Variants in CSMD1 observed in about 807,000 individuals in gnomAD.
The protein encoded by CSMD1 is CUB and Sushi multiple domains 1.
In CSMD1, 213 loss-of-function variants were observed where a neutral mutation model predicts 417.5. That is an observed-to-expected ratio of 0.51 (90% CI 0.46 to 0.57). CSMD1 has a LOEUF of 0.57. CSMD1 is among the 20% of genes least tolerant of loss of function. The pLI is 0.00. For synonymous variants in CSMD1, 2,862 were observed against 1,736.8 expected (o/e 1.65, Z -16.11); for missense variants, 6,923 against 4,529.7 (o/e 1.53, Z -15.17).
At chr8:3,475,196 T>G (rs1478133762) in intron 11 of CSMD1, among the ~76,000 whole-genome samples, 1 of 152,158 alleles carries the variant, frequency 6.6e-6, no homozygotes, top group Non-Finnish European at 1.5e-5. Flanking sequence ...GATTAGGATT[T>G]TTGCCTCTAG....
intron 5 of CSMD1, among the ~76,000 whole-genome samples, chr8:3,847,489 C>T (rs554509826): frequency 2.0e-5 from 3 of 152,176 alleles, no homozygotes; most frequent in South Asian, 4.2e-4. Context: ...AGCTGAGTTC[C>T]GCCAACATCA....
At chr8:3,789,573 C>T (rs1283738138) in intron 5 of CSMD1, among the ~76,000 whole-genome samples, 1 of 150,990 alleles carries the variant, frequency 6.6e-6, no homozygotes, top group Non-Finnish European at 1.5e-5. Flanking sequence ...CACTCACTTG[C>T]TAAATAAAGC....
intron 6 of CSMD1, among the ~76,000 whole-genome samples, chr8:3,747,013 AT>A (rs1263492512): frequency 6.6e-6 from 1 of 152,216 alleles, no homozygotes; most frequent in East Asian, 1.9e-4. Flanking sequence ...TTCATTAGGA[AT>A]TTTATTTCAT....
chr8:4,823,703 T>C (rs1259816991), intron 1 of CSMD1, among the ~76,000 whole-genome samples: 2 of 152,010 alleles, frequency 1.3e-5, no homozygotes, highest in South Asian at 2.1e-4. Flanking sequence ...TGAGAATTAA[T>C]ATAATGCAAT....
chr8:4,893,442 T>C (rs1483364513), intron 1 of CSMD1, among the ~76,000 whole-genome samples: 1 of 152,108 alleles, frequency 6.6e-6, no homozygotes, highest in Non-Finnish European at 1.5e-5. Context: ...ATGTTTTTCT[T>C]TATGTCTTCA....
chr8:4,549,154 A>G (rs1025024534), intron 2 of CSMD1, among the ~76,000 whole-genome samples: 1 of 152,142 alleles, frequency 6.6e-6, no homozygotes, highest in East Asian at 1.9e-4. Flanking sequence ...TCTTTCTTAC[A>G]CAGACTGACT....
intron 3 of CSMD1, among the ~76,000 whole-genome samples, chr8:4,356,995 G>A (rs1436671724): frequency 6.6e-6 from 1 of 152,188 alleles, no homozygotes; most frequent in East Asian, 1.9e-4. Context: ...GTGAATATAT[G>A]AAGATAAACG....
intron 7 of CSMD1, among the ~76,000 whole-genome samples, chr8:3,630,925 A>C (rs1353703319): frequency 6.6e-6 from 1 of 152,204 alleles, no homozygotes; most frequent in Non-Finnish European, 1.5e-5. Context: ...CTCTTAGAGA[A>C]ACATGGTATT....
chr8:2,947,036 T>C (rs535590704), intron 68 of CSMD1, among the ~76,000 whole-genome samples: 6 of 152,356 alleles, frequency 3.9e-5, no homozygotes, highest in African/African-American at 1.4e-4. Flanking sequence ...ACATATCTAT[T>C]CAAATCTTTG....
chr8:3,202,837 T>G (rs970247978), intron 31 of CSMD1, among the ~76,000 whole-genome samples: 6 of 152,230 alleles, frequency 3.9e-5, no homozygotes, highest in African/African-American at 1.4e-4. Flanking sequence ...AACTTGTCTT[T>G]TAAGATTTTA....
At chr8:4,110,036 C>A (rs1801769117) in intron 3 of CSMD1, among the ~76,000 whole-genome samples, 1 of 152,114 alleles carries the variant, frequency 6.6e-6, no homozygotes, top group African/African-American at 2.4e-5. Context: ...AAACTGTGCC[C>A]AGGCTAGACT....
At chr8:3,845,650 AT>A (rs1013992890) in intron 5 of CSMD1, among the ~76,000 whole-genome samples, 4 of 151,980 alleles carry the variant, frequency 2.6e-5, no homozygotes, top group Non-Finnish European at 5.9e-5. Context: ...TCATTTAAAC[AT>A]TTTTTTGTCT....
chr8:4,131,459 T>A (rs1192051914), intron 3 of CSMD1, among the ~76,000 whole-genome samples: 1 of 152,174 alleles, frequency 6.6e-6, no homozygotes, highest in East Asian at 1.9e-4. Context: ...CGATTAAACT[T>A]CTTAAAAAAT....
At chr8:4,005,469 C>T (rs996623658) in intron 4 of CSMD1, among the ~76,000 whole-genome samples, 3 of 152,134 alleles carry the variant, frequency 2.0e-5, no homozygotes, top group Admixed American at 1.3e-4. Context: ...TGGTGGCCGA[C>T]ATGAACACTG....
chr8:3,778,247 G>A (rs907755782), intron 5 of CSMD1, among the ~76,000 whole-genome samples: 3 of 152,202 alleles, frequency 2.0e-5, no homozygotes, highest in African/African-American at 7.2e-5. Flanking sequence ...TTTCTGCTCT[G>A]ACATTTGCTA....
intron 2 of CSMD1, among the ~76,000 whole-genome samples, chr8:4,617,296 T>G (rs1801524721): frequency 6.6e-6 from 1 of 152,180 alleles, no homozygotes; most frequent in South Asian, 2.1e-4. Flanking sequence ...ATAATGTCTA[T>G]AAACTGATAC....
intron 18 of CSMD1, among the ~76,000 whole-genome samples, chr8:3,384,729 A>T (rs377200745): frequency 3.2e-5 from 3 of 94,832 alleles, no homozygotes; most frequent in South Asian, 2.7e-4. Context: ...TAATATTTAT[A>T]TATATTATAT....
At chr8:4,587,158 G>A (rs879486067) in intron 2 of CSMD1, among the ~76,000 whole-genome samples, 14 of 152,004 alleles carry the variant, frequency 9.2e-5, no homozygotes, top group African/African-American at 9.7e-5. Flanking sequence ...TCTGCCCATC[G>A]TGAGCCAACC....
intron 1 of CSMD1, among the ~76,000 whole-genome samples, chr8:4,871,084 C>T (rs1802710785): frequency 6.6e-6 from 1 of 152,094 alleles, no homozygotes; most frequent in Admixed American, 6.6e-5. Context: ...CAGCTCTGGC[C>T]TGGGCCATGG....
Sources: allele counts gnomAD v4.1 joint callset (sites outside exome capture counted in the v4.1 genomes callset), GRCh38; gene constraint gnomAD v4.1.1; transcripts MANE v1.5; gene names NCBI Gene and HGNC (gene_info 2026-07-23, HGNC 2026-07-21).